Variants in GNA14 observed in about 807,000 individuals in gnomAD.
GNA14 encodes G protein subunit alpha 14.
In GNA14, 50 loss-of-function variants were observed where a neutral mutation model predicts 42.0. The ratio of observed to expected loss-of-function variants is 1.19; its 90% CI spans 0.95 to 1.51. The LOEUF (loss-of-function observed/expected upper bound fraction) is 1.51, where lower values mean the gene tolerates loss of function less well. GNA14 is among the 40% of genes most tolerant of loss of function. The pLI is 0.00. For missense variants in GNA14, 473 were observed against 446.2 expected, an observed-to-expected ratio of 1.06 and a Z score of -0.54; for synonymous variants, 173 against 163.1, an observed-to-expected ratio of 1.06 and a Z score of -0.46.
rs540861224 is a variant in GNA14, at chr9:77,529,870, A to G, written c.125-617T>C. On this transcript the variant is annotated intron_variant, in intron 1 of 6. Coordinates refer to ENST00000341700, the MANE Select transcript of GNA14 (RefSeq NM_004297.4). The stretch of plus-strand genomic sequence containing the variant: ...TGTGCATTAGAGGTCCAGATACAAC[A>G]TATGTGAAAAATGACATCAAAACTC... Among the ~76,000 whole-genome samples, 314 of 152,328 alleles carry G rather than the reference A, an allele frequency of 2.1e-3. 5 individuals are homozygous for G. Among genetic ancestry groups the G allele is most frequent in the South Asian group, 8.3e-4 (4 of 4,826 alleles).
At chr9:77,593,057 G>A (rs999729012) in intron 1 of GNA14, among the ~76,000 whole-genome samples, 2 of 152,034 alleles carry the variant, frequency 1.3e-5, no homozygotes, top group African/African-American at 4.8e-5. Flanking sequence ...GGTCTACTGT[G>A]GGGGAGAAGG....
At chr9:77,433,434 T>C (rs1835590005) in intron 3 of GNA14, among the ~76,000 whole-genome samples, 1 of 152,080 alleles carries the variant, frequency 6.6e-6, no homozygotes, top group African/African-American at 2.4e-5. Flanking sequence ...TCACTCAGGC[T>C]GTACTGCAGG....
chr9:77,454,599 G>T (rs1835968431), intron 2 of GNA14, among the ~76,000 whole-genome samples: 1 of 97,502 alleles, frequency 1.0e-5, no homozygotes, highest in East Asian at 3.0e-4. Context: ...TTTTTTTTTG[G>T]AAGTGAGACC....
At chr9:77,467,827 T>G (rs1836263626) in intron 2 of GNA14, among the ~76,000 whole-genome samples, 1 of 151,932 alleles carries the variant, frequency 6.6e-6, no homozygotes, top group African/African-American at 2.4e-5. Context: ...GTACTGTGTG[T>G]TAGGGTGGGG....
chr9:77,468,188 C>T (rs973812051), intron 2 of GNA14, among the ~76,000 whole-genome samples: 24 of 152,172 alleles, frequency 1.6e-4, no homozygotes, highest in African/African-American at 5.6e-4. Flanking sequence ...GGGGCAGGGG[C>T]ATGAGAATGA....
At chr9:77,490,059 G>C (rs544588282) in intron 2 of GNA14, among the ~76,000 whole-genome samples, 1 of 152,238 alleles carries the variant, frequency 6.6e-6, no homozygotes, top group South Asian at 2.1e-4. Flanking sequence ...GTCCCCACCA[G>C]AGCAGCTAGA....
intron 2 of GNA14, among the ~76,000 whole-genome samples, chr9:77,441,389 C>T (rs554678300): frequency 9.2e-5 from 14 of 152,274 alleles, no homozygotes; most frequent in Admixed American, 4.6e-4. Context: ...CCTTCTGCCA[C>T]GGTTGTAAGT....
intron 1 of GNA14, among the ~76,000 whole-genome samples, chr9:77,541,130 T>C (rs977349864): frequency 2.6e-5 from 4 of 152,194 alleles, no homozygotes; most frequent in African/African-American, 4.8e-5. Context: ...ATGGGTTTTA[T>C]ATTCTCGTGT....
chr9:77,620,800 A>G (rs111649704), intron 1 of GNA14, among the ~76,000 whole-genome samples: 11 of 147,892 alleles, frequency 7.4e-5, no homozygotes, highest in African/African-American at 2.8e-4. Flanking sequence ...GTGAGCCAAG[A>G]TCACACCACT....
intron 1 of GNA14, among the ~76,000 whole-genome samples, chr9:77,545,589 C>T (rs539283107): frequency 6.6e-6 from 1 of 152,284 alleles, no homozygotes; most frequent in East Asian, 1.9e-4. Flanking sequence ...AACTCAGTAA[C>T]AGCAGGATAT....
chr9:77,613,181 T>A (rs1823760095), intron 1 of GNA14, among the ~76,000 whole-genome samples: 1 of 152,188 alleles, frequency 6.6e-6, no homozygotes, highest in African/African-American at 2.4e-5. Context: ...ATTTACCTCC[T>A]AAAGGCCCCA....
At chr9:77,564,771 T>G (rs1822940305) in intron 1 of GNA14, among the ~76,000 whole-genome samples, 1 of 152,052 alleles carries the variant, frequency 6.6e-6, no homozygotes, top group South Asian at 2.1e-4. Flanking sequence ...AGGCAGAGAT[T>G]GCAGTGAGCT....
Position 77,481,046 on chromosome 9 carries a change from C to T in GNA14, c.310-46524G>A, listed in dbSNP as rs576207698. Among the ~76,000 whole-genome samples the T allele has an allele frequency of 3.6e-3, 545 of 152,044 alleles. 3 individuals carry two copies. The highest frequency in any genetic ancestry group is 0.017 in the Middle Eastern group (5 of 294). On this transcript the variant is annotated intron_variant, in intron 2 of 6. Transcript: ENST00000341700. ...TGAAGGGTTTTTTGTGTCTCTATTT[C>T]CTTCAGTTCTGCTCTGATTTTAGTT...
intron 1 of GNA14, among the ~76,000 whole-genome samples, chr9:77,631,989 G>C (rs1422252629): frequency 6.6e-6 from 1 of 151,934 alleles, no homozygotes; most frequent in African/African-American, 2.4e-5. Flanking sequence ...AGGCATCCCT[G>C]TGCTCTCAGG....
chr9:77,531,034 G>A (rs1366239523), intron 1 of GNA14, among the ~76,000 whole-genome samples: 1 of 152,184 alleles, frequency 6.6e-6, no homozygotes, highest in Non-Finnish European at 1.5e-5. Flanking sequence ...GCCACCAACA[G>A]TTAGCCCTGC....
rs527369340 is a variant in GNA14, at chr9:77,580,194, C to T, written c.125-50941G>A. 4.0e-5 allele frequency: 10 copies of T among 249,182 alleles called. No individual in the cohort carries two copies. In the East Asian group the frequency reaches 6.2e-4, roughly 15 times the overall value. The allele number at this position is 249,182 out of a possible 1,614,324, so 15.4% of individuals were successfully genotyped here. On this transcript the variant is annotated intron_variant, in intron 1 of 6. Transcript: ENST00000341700. ...CACACTGGGTTGTTGCTGCCACTGC[C>T]GCCATAGTGCCAGCCCCTTGGGTCT...
chr9:77,624,875 C>G (rs1220213946), intron 1 of GNA14, among the ~76,000 whole-genome samples: 1 of 151,856 alleles, frequency 6.6e-6, no homozygotes, highest in Non-Finnish European at 1.5e-5. Context: ...TCCTTGCCAG[C>G]AAGGGAACAA....
chr9:77,461,143 C>T (rs948537781), intron 2 of GNA14, among the ~76,000 whole-genome samples: 2 of 152,178 alleles, frequency 1.3e-5, no homozygotes, highest in African/African-American at 4.8e-5. Flanking sequence ...AGGCTCTCAC[C>T]AGGCCCCCGC....
chr9:77,622,893 C>CAA (rs1184648958), intron 1 of GNA14, among the ~76,000 whole-genome samples: 9 of 77,652 alleles, frequency 1.2e-4, no homozygotes, highest in East Asian at 3.7e-4. Context: ...GACTCTGTCT[C>CAA]AAAAAAAAAA....
Sources: allele counts gnomAD v4.1 joint callset (sites outside exome capture counted in the v4.1 genomes callset), GRCh38; gene constraint gnomAD v4.1.1; transcripts MANE v1.5; gene names NCBI Gene and HGNC (gene_info 2026-07-23, HGNC 2026-07-21).